Variants in APP observed in about 807,000 individuals in gnomAD.
APP encodes the protein amyloid-beta precursor protein.
APP carries 31 observed loss-of-function variants against 101.4 expected under a neutral mutation model. That is an observed-to-expected ratio of 0.31 (90% CI 0.23 to 0.41). The LOEUF is 0.41. APP is among the 10% of genes least tolerant of loss of function. The probability of loss-of-function intolerance (pLI) is 1.00; values close to 1 mark genes in which losing one functional copy is unlikely to be tolerated. For synonymous variants in APP, 366 were observed against 364.4 expected, an observed-to-expected ratio of 1.00 and a Z score of -0.05; for missense variants, 839 against 1,003.7, an observed-to-expected ratio of 0.84 and a Z score of 2.22.
At chr21:26,091,893 G>A (rs1037577685) in intron 2 of APP, among the ~76,000 whole-genome samples, 1 of 152,158 alleles carries the variant, frequency 6.6e-6, no homozygotes, top group Non-Finnish European at 1.5e-5. Flanking sequence ...TCCTTGGAGG[G>A]AGAACAAGGT....
intron 5 of APP, among the ~76,000 whole-genome samples, chr21:26,034,866 A>G (rs2045027164): frequency 1.3e-5 from 2 of 152,142 alleles, no homozygotes; most frequent in East Asian, 3.9e-4. Context: ...ACTCAGAGAG[A>G]TTACATTCTA....
intron 8 of APP, among the ~76,000 whole-genome samples, chr21:25,985,838 C>T (rs1252289464): frequency 6.6e-6 from 1 of 152,026 alleles, no homozygotes; most frequent in African/African-American, 2.4e-5. Flanking sequence ...TACAAACTCC[C>T]CATCTCAATT....
intron 4 of APP, among the ~76,000 whole-genome samples, chr21:26,052,758 T>C (rs888307041): frequency 6.6e-6 from 1 of 152,164 alleles, no homozygotes; most frequent in African/African-American, 2.4e-5. Context: ...TATTCACTAA[T>C]AGATAACAGG....
chr21:25,952,743 AAAAC>A (rs35999452), intron 13 of APP, among the ~76,000 whole-genome samples: 99 of 151,672 alleles, frequency 6.5e-4, no homozygotes, highest in Admixed American at 2.6e-3. Flanking sequence ...ATAGCTGTAA[AAAAC>A]AAACAAACAA....
At chr21:25,925,854 T>G (rs1366789912) in intron 13 of APP, among the ~76,000 whole-genome samples, 1 of 152,196 alleles carries the variant, frequency 6.6e-6, no homozygotes, top group East Asian at 1.9e-4. Context: ...GAGAATTGCT[T>G]GAACCCGGGA....
intron 13 of APP, among the ~76,000 whole-genome samples, chr21:25,948,096 T>A (rs2040906987): frequency 6.6e-6 from 1 of 151,286 alleles, no homozygotes; most frequent in African/African-American, 2.4e-5. Context: ...TCATTTCTTA[T>A]GAAAAACAAA....
intron 8 of APP, 111 bp from the exon 9 acceptor site, chr21:25,982,588 T>C: frequency 9.2e-7 from 1 of 1,083,318 alleles, no homozygotes; most frequent in Non-Finnish European, 1.4e-6. Flanking sequence ...ACAGAGAATT[T>C]AGTAAAGCAG....
At chr21:26,128,404 AT>A (rs1000402888) in intron 1 of APP, among the ~76,000 whole-genome samples, 4 of 152,176 alleles carry the variant, frequency 2.6e-5, no homozygotes, top group African/African-American at 9.7e-5. Flanking sequence ...AAGATATTAA[AT>A]TTTTTTGGTT....
chr21:26,105,472 C>T (rs2062160729), intron 2 of APP, among the ~76,000 whole-genome samples: 1 of 151,836 alleles, frequency 6.6e-6, no homozygotes, highest in Non-Finnish European at 1.5e-5. Context: ...CTTTTCCTTG[C>T]CGTTCCTAGC....
chr21:26,088,427 C>A (rs927447979), intron 3 of APP, among the ~76,000 whole-genome samples: 2 of 152,176 alleles, frequency 1.3e-5, no homozygotes, highest in African/African-American at 4.8e-5. Flanking sequence ...CAAAGCCCTA[C>A]CTGTTCTCAG....
intron 8 of APP, 61 bp downstream of exon 8, chr21:25,997,299 T>C (rs2043092073): frequency 6.8e-7 from 1 of 1,467,556 alleles, no homozygotes; most frequent in Non-Finnish European, 9.6e-7. Context: ...ATGCTGGAGT[T>C]ATGTGAACCA....
At chr21:26,147,764 C>T (rs2063182245) in intron 1 of APP, among the ~76,000 whole-genome samples, 1 of 151,740 alleles carries the variant, frequency 6.6e-6, no homozygotes, top group Non-Finnish European at 1.5e-5. Context: ...ATCACACAGG[C>T]GAACACCTGA....
intron 1 of APP, among the ~76,000 whole-genome samples, chr21:26,127,719 T>C (rs2062713033): frequency 6.6e-6 from 1 of 152,186 alleles, no homozygotes; most frequent in Admixed American, 6.5e-5. Context: ...CCAGTTAACT[T>C]TACCTCTTGA....
chr21:26,038,428 C>T (rs115783548), intron 5 of APP, among the ~76,000 whole-genome samples: 2,964 of 152,054 alleles, frequency 0.019, 84 homozygotes, highest in African/African-American at 0.068. Context: ...TCTTTGTATT[C>T]GACAGTGTGA....
chr21:26,001,861 T>C (rs1389208502), intron 6 of APP, among the ~76,000 whole-genome samples: 1 of 230 alleles, frequency 4.3e-3, no homozygotes, highest in Non-Finnish European at 0.013. Flanking sequence ...TAGGCATGGC[T>C]TTGAGCTTCA....
intron 1 of APP, among the ~76,000 whole-genome samples, chr21:26,136,170 AAAGAAAG>A (rs1181012766): frequency 1.2e-3 from 7 of 5,906 alleles, no homozygotes; most frequent in Admixed American, 0.011. Flanking sequence ...AAAAGAAAGA[AAAGAAAG>A]AAAGAAAGAA....
At position 25,881,015 on chromosome 21, in the gene APP, A is replaced by C. The variant is rs1568996566; in HGVS notation, c.*655T>G. ...CAAAGACCCAAAGATACGTGGACAAAAAAAGAAAAGCTTGAAGTCTCAATG... is the reference window on the plus strand; with the variant it reads ...CAAAGACCCAAAGATACGTGGACAACAAAAGAAAAGCTTGAAGTCTCAATG... On this transcript the variant is annotated 3_prime_UTR_variant, in exon 18 of 18. Transcript: ENST00000346798. 1 of 152,660 alleles carries C rather than the reference A, an allele frequency of 6.6e-6. No homozygotes were observed. The highest frequency in any genetic ancestry group is 1.5e-5 in the Non-Finnish European group (1 of 68,142). The allele number at this position is 152,660 out of a possible 1,614,324, so 9.5% of individuals were successfully genotyped here.
chr21:25,953,881 C>T (rs949840424), intron 13 of APP, among the ~76,000 whole-genome samples: 19 of 152,178 alleles, frequency 1.2e-4, no homozygotes, highest in Admixed American at 6.5e-5. Flanking sequence ...ACTATAGTTA[C>T]GTAAGATGTC....
chr21:25,965,553 A>G (rs2041763943), intron 11 of APP, among the ~76,000 whole-genome samples: 1 of 152,234 alleles, frequency 6.6e-6, no homozygotes, highest in Non-Finnish European at 1.5e-5. Flanking sequence ...TGTTGATATT[A>G]AAACATTTAT....
Sources: allele counts gnomAD v4.1 joint callset (sites outside exome capture counted in the v4.1 genomes callset), GRCh38; gene constraint gnomAD v4.1.1; transcripts MANE v1.5; gene names NCBI Gene and HGNC (gene_info 2026-07-23, HGNC 2026-07-21).